The following FAM168A variants were observed in gnomAD, a reference collection of about 807,000 sequenced individuals.
FAM168A encodes family with sequence similarity 168 member A, also known as protein FAM168A.
Under a neutral mutation model 28.5 loss-of-function variants are expected in FAM168A, and 3 were observed. The observed-to-expected ratio is 0.11, with a 90% confidence interval of 0.05 to 0.27. The LOEUF is 0.27. Ranked by LOEUF, FAM168A falls within the 10% of genes least tolerant of loss-of-function variation. FAM168A has a pLI of 1.00. For missense variants in FAM168A, 222 were observed against 311.5 expected, an observed-to-expected ratio of 0.71 and a Z score of 2.16; for synonymous variants, 122 against 124.2, an observed-to-expected ratio of 0.98 and a Z score of 0.12.
At chr11:73,557,911 T>C (rs1837471499) in intron 1 of FAM168A, among the ~76,000 whole-genome samples, 1 of 152,214 alleles carries the variant, frequency 6.6e-6, no homozygotes, top group Non-Finnish European at 1.5e-5. Context: ...GACTAATCAC[T>C]AATCAATGAG....
Position 73,421,071 on chromosome 11 carries a change from TG to T in FAM168A, c.152-1073del, listed in dbSNP as rs34056123. 8.8e-3 allele frequency among the ~76,000 whole-genome samples: 1,022 copies of T among 116,208 alleles called. 5 individuals are homozygous for T. The highest frequency in any genetic ancestry group is 0.051 in the East Asian group (189 of 3,680). 76.2% of individuals were successfully genotyped at this position (116,208 alleles called of 152,430 possible). On this transcript the variant is annotated intron_variant, in intron 3 of 7. Transcript: ENST00000356467. ...CATATTTTCCACTCAAATAAAGTCT[TG>T]GGGGGGGGGTCATGGATATGGGGTG... is the stretch of plus-strand genomic sequence containing the variant.
chr11:73,496,901 A>ACACACACACACG (rs1565271065), intron 1 of FAM168A, among the ~76,000 whole-genome samples: 1 of 149,302 alleles, frequency 6.7e-6, no homozygotes, highest in African/African-American at 2.5e-5. Context: ...ACACACACAC[A>ACACACACACACG]CACACGCACA....
chr11:73,589,495 G>GAAAAAAAAAAAAAAA (rs780232062), intron 1 of FAM168A, among the ~76,000 whole-genome samples: 2 of 64,970 alleles, frequency 3.1e-5, no homozygotes, highest in Non-Finnish European at 6.4e-5. Flanking sequence ...CTGATAAGCT[G>GAAAAAAAAAAAAAAA]AAAAAAAAAA....
intron 1 of FAM168A, among the ~76,000 whole-genome samples, chr11:73,475,230 C>T (rs753661305): frequency 1.3e-5 from 2 of 152,118 alleles, no homozygotes; most frequent in African/African-American, 4.8e-5. Flanking sequence ...CAAACTACTA[C>T]ACTTTGCAAA....
intron 1 of FAM168A, among the ~76,000 whole-genome samples, chr11:73,528,412 A>G (rs1181020084): frequency 1.3e-5 from 2 of 152,244 alleles, no homozygotes; most frequent in Non-Finnish European, 2.9e-5. Context: ...ATTTTGCTTT[A>G]AAGATAATAG....
intron 1 of FAM168A, among the ~76,000 whole-genome samples, chr11:73,515,152 C>T (rs934239456): frequency 3.5e-4 from 54 of 152,268 alleles, no homozygotes; most frequent in African/African-American, 1.0e-3. Flanking sequence ...AAGATTCCTT[C>T]ATTAAGATAC....
chr11:73,594,028 G>A (rs998181035), intron 1 of FAM168A, among the ~76,000 whole-genome samples: 1 of 152,106 alleles, frequency 6.6e-6, no homozygotes, highest in African/African-American at 2.4e-5. Context: ...AATAAATAGT[G>A]AACAGATATT....
intron 3 of FAM168A, among the ~76,000 whole-genome samples, chr11:73,429,368 C>G (rs1015506638): frequency 6.6e-6 from 1 of 152,196 alleles, no homozygotes; most frequent in African/African-American, 2.4e-5. Flanking sequence ...AAAGGTTGAA[C>G]TGGACGATCT....
chr11:73,458,944 T>C (rs1241811929), intron 2 of FAM168A, among the ~76,000 whole-genome samples: 3 of 152,210 alleles, frequency 2.0e-5, no homozygotes, highest in Non-Finnish European at 4.4e-5. Context: ...GTGCTTGTTG[T>C]AAGGATTAAA....
At position 73,409,512 on chromosome 11, in the gene FAM168A, T is replaced by G; in HGVS notation, c.570A>C (p.Ala190=). ...RTNGVAMGMV[A]GTTMAMSAGT... ...CTGCTGACATTGCCATGGTGGTGCCTGCCACCATGCCCATGGCCACACCGT... is the reference window on the plus strand; with the variant it reads ...CTGCTGACATTGCCATGGTGGTGCCGGCCACCATGCCCATGGCCACACCGT... Residue 190 remains alanine (A), a synonymous_variant, in exon 6 of 8, where the codon GCA becomes GCC. Transcript: ENST00000356467. The G allele has an allele frequency of 6.2e-7, 1 of 1,613,956 alleles. No individual in the cohort carries two copies. The highest frequency in any genetic ancestry group is 1.3e-5 in the African/African-American group (1 of 75,060).
At chr11:73,580,348 C>T in intron 1 of FAM168A, 2 of 589,974 alleles carry the variant, frequency 3.4e-6, no homozygotes, top group South Asian at 1.4e-5. Flanking sequence ...GCTAAACCTG[C>T]TCCTCCAAAG....
chr11:73,481,131 T>G (rs908116657), intron 1 of FAM168A, among the ~76,000 whole-genome samples: 1 of 152,122 alleles, frequency 6.6e-6, no homozygotes, highest in Non-Finnish European at 1.5e-5. Flanking sequence ...ATTGCCCAGG[T>G]TGGACTCAAA....
chr11:73,490,559 T>A (rs1379235446), intron 1 of FAM168A, among the ~76,000 whole-genome samples: 1 of 152,248 alleles, frequency 6.6e-6, no homozygotes, highest in Non-Finnish European at 1.5e-5. Context: ...AGCCATCCTG[T>A]TCCCTGTTCC....
chr11:73,513,423 A>G (rs1590825912), intron 1 of FAM168A, among the ~76,000 whole-genome samples: 1 of 150,604 alleles, frequency 6.6e-6, no homozygotes, highest in African/African-American at 2.5e-5. Context: ...TCACCATGTT[A>G]GCCAGGATGG....
intron 1 of FAM168A, among the ~76,000 whole-genome samples, chr11:73,564,695 A>T (rs567409128): frequency 1.4e-5 from 2 of 147,386 alleles, no homozygotes; most frequent in African/African-American, 2.5e-5. Context: ...GTGAGCTGAG[A>T]TCGCGCAACT....
intron 2 of FAM168A, among the ~76,000 whole-genome samples, chr11:73,440,626 C>G (rs1251355603): frequency 6.6e-6 from 1 of 151,538 alleles, no homozygotes; most frequent in Non-Finnish European, 1.5e-5. Context: ...GATACCCTGT[C>G]TCAAAAGAAG....
In FAM168A at chr11:73,498,798, G is replaced by A. The variant is rs1854944523; in HGVS notation, c.-18-30306C>T. The stretch of plus-strand genomic sequence containing the variant: ...TCTAACCCTGACCCATCCTTCTTCA[G>A]TGAGAGGGGCTTCCCTGCAGGATCT... On this transcript the variant is annotated intron_variant, in intron 1 of 7. Transcript: ENST00000356467. 1.3e-5 allele frequency among the ~76,000 whole-genome samples: 2 copies of A among 152,210 alleles called. 1 individual carries two copies. The highest frequency in any genetic ancestry group is 1.3e-4 in the Admixed American group (2 of 15,288).
chr11:73,549,404 T>C (rs893556986), intron 1 of FAM168A, among the ~76,000 whole-genome samples: 1 of 152,152 alleles, frequency 6.6e-6, no homozygotes, highest in Middle Eastern at 3.2e-3. Flanking sequence ...AGTAAAAAAA[T>C]TTAAAATTCA....
Position 73,484,204 on chromosome 11 carries a change from A to G in FAM168A, c.-18-15712T>C, listed in dbSNP as rs185875005. Among the ~76,000 whole-genome samples the G allele has an allele frequency of 5.8e-3, 889 of 152,296 alleles. 8 individuals carry two copies. The highest frequency in any genetic ancestry group is 0.027 in the Middle Eastern group (8 of 294). On this transcript the variant is annotated intron_variant, in intron 1 of 7. Coordinates refer to ENST00000356467, the MANE Select transcript of FAM168A (RefSeq NM_015159.3). ...AACTGTTAACATCTTTAATTTTAACAGATGTTTAATGTTAACATCTTTAAT... is the reference window on the plus strand; with the variant it reads ...AACTGTTAACATCTTTAATTTTAACGGATGTTTAATGTTAACATCTTTAAT...
Sources: gnomAD v4.1 joint callset for allele counts (sites outside exome capture counted in the v4.1 genomes callset) on GRCh38, gnomAD v4.1.1 for gene constraint, MANE v1.5 for transcripts, NCBI Gene and HGNC (gene_info 2026-07-23, HGNC 2026-07-21) for gene names.